The following HES7 variants were observed in gnomAD, a reference collection of about 807,000 sequenced individuals.
The protein encoded by HES7 is hes family bHLH transcription factor 7, also known as transcription factor HES-7.
HES7 carries 8 observed loss-of-function variants against 18.0 expected under a neutral mutation model. The ratio of observed to expected loss-of-function variants is 0.45; its 90% CI spans 0.26 to 0.80. The LOEUF (loss-of-function observed/expected upper bound fraction) is 0.80. Ranked by LOEUF, HES7 falls within the 30% of genes least tolerant of loss-of-function variation. The pLI is 0.18. For synonymous variants in HES7, 170 were observed against 158.6 expected, an observed-to-expected ratio of 1.07 and a Z score of -0.54; for missense variants, 356 against 340.9, an observed-to-expected ratio of 1.04 and a Z score of -0.35.
rs184104843 is a variant in HES7, at chr17:8,120,913, C to G, written c.*658G>C. The G allele has an allele frequency of 3.3e-5, 5 of 152,818 alleles. No individual in the cohort carries two copies. Among genetic ancestry groups the G allele is most frequent in the African/African-American group, 1.2e-4 (5 of 41,576 alleles). 9.5% of individuals were successfully genotyped at this position (152,818 alleles called of 1,614,324 possible). A position where few individuals can be genotyped will look rare whatever the true frequency, so the allele number is the denominator to read the frequency against. On this transcript the variant is annotated 3_prime_UTR_variant, in exon 4 of 4. Coordinates refer to ENST00000541682, the MANE Select transcript of HES7 (RefSeq NM_001165967.2). ...GTACCCGTAAGCTACAAGACGCCGC[C>G]GTTCGTCGGGTGGCTCTGTGGCGCA...
In HES7 at chr17:8,121,247, T is replaced by C. The variant is rs1417538373; in HGVS notation, c.*324A>G. The C allele has an allele frequency of 4.3e-6, 1 of 234,538 alleles. No homozygotes were observed. 14.5% of individuals were successfully genotyped at this position (234,538 alleles called of 1,614,324 possible). The stretch of plus-strand genomic sequence containing the variant: ...GGACGTCGAGATAAAGGCAGGCCCC[T>C]GGCTCGGGGACACACGGGGATTTAA... On this transcript the variant is annotated 3_prime_UTR_variant, in exon 4 of 4. Coordinates refer to ENST00000541682, the MANE Select transcript of HES7 (RefSeq NM_001165967.2).
upstream of HES7, among the ~76,000 whole-genome samples, chr17:8,124,262 G>A (rs1981511804): frequency 6.6e-6 from 1 of 152,182 alleles, no homozygotes. Context: ...AGGGGAAGGA[G>A]AGAAACTGGC....
rs779182972 is a variant in HES7 at position 8,121,855 on chromosome 17, G to C, written c.409C>G (p.Arg137Gly). 5.7e-6 allele frequency: 9 copies of C among 1,571,898 alleles called. No homozygotes were observed. The Admixed American group carries it at 1.0e-4, about 18-fold the overall frequency. The change falls in exon 4 of 4, where the codon CGG (arginine) becomes GGG (glycine). Residue 137 changes from arginine to glycine, a missense_variant. Arg to Gly is a moderately radical substitution (Grantham distance 125). Coordinates refer to ENST00000541682, the MANE Select transcript of HES7 (RefSeq NM_001165967.2). ...LHGYLRPKPP[R>G]PKPVDPRPPA... Reference sequence around the variant, plus strand: ...GGCCTCGGATCTACCGGCTTGGGCCGGGGCGGTTTGGGGCGCAGATAGCCG... The same window carrying C: ...GGCCTCGGATCTACCGGCTTGGGCCCGGGCGGTTTGGGGCGCAGATAGCCG...
In HES7 at chr17:8,122,076, G is replaced by C. The variant is rs1169420575; in HGVS notation, c.227-39C>G. 1 of 1,459,704 alleles carries C rather than the reference G, an allele frequency of 6.9e-7. No individual in the cohort carries two copies. The highest frequency in any genetic ancestry group is 9.0e-7 in the Non-Finnish European group (1 of 1,109,992). 90.4% of individuals were successfully genotyped at this position (1,459,704 alleles called of 1,614,324 possible). A position where few individuals can be genotyped will look rare whatever the true frequency, so the allele number is the denominator to read the frequency against. On this transcript the variant is annotated intron_variant, in intron 3 of 3. Transcript: ENST00000541682. The surrounding 1 kb of genome is among the most constrained non-coding windows in gnomAD (Gnocchi z 6.9). ...CGGGAGCACAGGTGGGCAGGGCAGG[G>C]GCCCGGCAGGGGTGAGGGAAGGGGC...
At position 8,122,601 on chromosome 17, in the gene HES7, G is replaced by T. The variant is rs1172039704; in HGVS notation, c.139-171C>A. Among the ~76,000 whole-genome samples the T allele has an allele frequency of 6.6e-6, 1 of 152,192 alleles. No homozygotes were observed. Among genetic ancestry groups the T allele is most frequent in the East Asian group, 1.9e-4 (1 of 5,184 alleles). ...TGCGGAGTGGAGATGACCAAGGAAAGTCCTGGCCCACCCTGAGACGAAACT... is the reference window on the plus strand; with the variant it reads ...TGCGGAGTGGAGATGACCAAGGAAATTCCTGGCCCACCCTGAGACGAAACT... On this transcript the variant is annotated intron_variant, in intron 2 of 3. Coordinates refer to ENST00000541682, the MANE Select transcript of HES7 (RefSeq NM_001165967.2). This position sits in a 1 kb window ranked among gnomAD's most constrained non-coding sequence, Gnocchi z 6.9.
At position 8,123,254 on chromosome 17, in the gene HES7, G is replaced by A; in HGVS notation, c.43-128C>T. On this transcript the variant is annotated intron_variant, in intron 1 of 3. Coordinates refer to ENST00000541682, the MANE Select transcript of HES7 (RefSeq NM_001165967.2). This position sits in a 1 kb window ranked among gnomAD's most constrained non-coding sequence, Gnocchi z 5.9. ...GCCACAAGACCCCAGATTGCCTAGGGCCGGCCCCATTCGATCCCTCTCCGC... is the reference window on the plus strand; with the variant it reads ...GCCACAAGACCCCAGATTGCCTAGGACCGGCCCCATTCGATCCCTCTCCGC... The A allele has an allele frequency of 4.1e-6, 3 of 722,978 alleles. No homozygotes were observed. Among genetic ancestry groups the A allele is most frequent in the Non-Finnish European group, 7.3e-6 (3 of 410,132 alleles). 44.8% of individuals were successfully genotyped at this position (722,978 alleles called of 1,614,324 possible).
chr17:8,120,787 C>G lies in HES7; in HGVS notation c.*784G>C, dbSNP rs1367389539. 1 of 152,752 alleles carries G rather than the reference C, an allele frequency of 6.5e-6. No homozygotes were observed. The highest frequency in any genetic ancestry group is 1.5e-5 in the Non-Finnish European group (1 of 68,140). The allele number at this position is 152,752 out of a possible 1,614,324, so 9.5% of individuals were successfully genotyped here. ...GGCTAACATGCTTTGCGCCCGCTAC[C>G]TCTACCTGGCTTGGCCTCTGAGATC... is the stretch of plus-strand genomic sequence containing the variant. On this transcript the variant is annotated 3_prime_UTR_variant, in exon 4 of 4. Transcript: ENST00000541682.
At chr17:8,126,052 C>T (rs1014218691), upstream of HES7, among the ~76,000 whole-genome samples, 2 of 151,612 alleles carry the variant, frequency 1.3e-5, no homozygotes, top group Non-Finnish European at 2.9e-5. Flanking sequence ...CGCACCTCCG[C>T]AGGCGTGACC....
Position 8,121,671 on chromosome 17 carries a change from A to C in HES7, c.593T>G (p.Leu198Arg). 1 of 1,326,014 alleles carries C rather than the reference A, an allele frequency of 7.5e-7. No individual in the cohort carries two copies. 82.1% of individuals were successfully genotyped at this position (1,326,014 alleles called of 1,614,324 possible). The change falls in exon 4 of 4, where the codon CTC becomes CGC. Residue 198 changes from leucine to arginine, a missense_variant. Coordinates refer to ENST00000541682, the MANE Select transcript of HES7 (RefSeq NM_001165967.2). ...RAGDSGAPAP[L>R]TGLLPPPPPP... ...CGGTGGCGGCGGCAGCAGTCCGGTGAGGGGCGCCGGCGCGCCAGAATCCCC... is the reference window on the plus strand; with the variant it reads ...CGGTGGCGGCGGCAGCAGTCCGGTGCGGGGCGCCGGCGCGCCAGAATCCCC...
At position 8,122,580 on chromosome 17, in the gene HES7, G is replaced by A. The variant is rs1158110885; in HGVS notation, c.139-150C>T. Reference sequence around the variant, plus strand: ...CCCACAGAACGCGCGACCAAATGCGGAGTGGAGATGACCAAGGAAAGTCCT... The same window carrying A: ...CCCACAGAACGCGCGACCAAATGCGAAGTGGAGATGACCAAGGAAAGTCCT... On this transcript the variant is annotated intron_variant, in intron 2 of 3. Coordinates refer to ENST00000541682, the MANE Select transcript of HES7 (RefSeq NM_001165967.2). The surrounding 1 kb of genome is among the most constrained non-coding windows in gnomAD (Gnocchi z 6.9). 4 of 663,462 alleles carry A rather than the reference G, an allele frequency of 6.0e-6. No homozygotes were observed. Among genetic ancestry groups the A allele is most frequent in the East Asian group, 2.7e-5 (1 of 36,764 alleles). The allele number at this position is 663,462 out of a possible 1,614,324, so 41.1% of individuals were successfully genotyped here.
chr17:8,121,704 G>A lies in HES7; in HGVS notation c.560C>T (p.Pro187Leu), dbSNP rs1308150151. The A allele has an allele frequency of 7.5e-7, 1 of 1,334,422 alleles. No homozygotes were observed. The highest frequency in any genetic ancestry group is 9.5e-7 in the Non-Finnish European group (1 of 1,049,292). 82.7% of individuals were successfully genotyped at this position (1,334,422 alleles called of 1,614,324 possible). Residue 187 changes from proline (P) to leucine (L), a missense_variant, in exon 4 of 4, where the codon CCG becomes CTG. By Grantham distance (98) the Pro-to-Leu change is moderately conservative. Transcript: ENST00000541682. ...RCAWSPSLCS[P>L]RAGDSGAPAP... is the part of the protein sequence containing the mutation. ...CGGCGCGCCAGAATCCCCGGCGCGC[G>A]GGGAGCAGAGGGATGGGGACCATGC...
Position 8,121,568 on chromosome 17 carries a change from G to A in HES7, c.*3C>T. The A allele has an allele frequency of 1.5e-6, 2 of 1,298,654 alleles. No homozygotes were observed. The highest frequency in any genetic ancestry group is 1.9e-6 in the Non-Finnish European group (2 of 1,029,760). 80.4% of individuals were successfully genotyped at this position (1,298,654 alleles called of 1,614,324 possible). A position where few individuals can be genotyped will look rare whatever the true frequency, so the allele number is the denominator to read the frequency against. ...AGACCCCGCCCCCACCACCCCCCAA[G>A]GCTCAGGGCCAAGGTCTCCAGAAAG... On this transcript the variant is annotated 3_prime_UTR_variant, in exon 4 of 4. Coordinates refer to ENST00000541682, the MANE Select transcript of HES7 (RefSeq NM_001165967.2).
rs1282491713 is a variant in HES7 at position 8,121,475 on chromosome 17, C to T, written c.*96G>A. The T allele has an allele frequency of 2.6e-6, 3 of 1,141,448 alleles. No individual in the cohort carries two copies. Among genetic ancestry groups the T allele is most frequent in the Non-Finnish European group, 3.3e-6 (3 of 896,526 alleles). 70.7% of individuals were successfully genotyped at this position (1,141,448 alleles called of 1,614,324 possible). On this transcript the variant is annotated 3_prime_UTR_variant, in exon 4 of 4. Transcript: ENST00000541682. ...AGCCCGCGCGCCCCACTGCCCTCCC[C>T]AACACCTGCTCGCCCGGACGCCCGG...
In HES7 at chr17:8,124,029, C is replaced by T. The variant is rs761332203; in HGVS notation, c.42+14G>A. ...AAACCAGGGACCTCTGCTCCCTCCC[C>T]TCCCGCCTCTCACCTTGGGGCCGTC... is the stretch of plus-strand genomic sequence containing the variant. On this transcript the variant is annotated intron_variant, in intron 1 of 3. Coordinates refer to ENST00000541682, the MANE Select transcript of HES7 (RefSeq NM_001165967.2). 1.2e-6 allele frequency: 2 copies of T among 1,613,952 alleles called. No homozygotes were observed. Among genetic ancestry groups the T allele is most frequent in the Admixed American group, 1.7e-5 (1 of 60,026 alleles).
chr17:8,122,400 C>A lies in HES7; in HGVS notation c.169G>T (p.Glu57Ter). The change falls in exon 3 of 4, where the codon GAG (glutamate) becomes TAG (stop). Residue 57 changes from glutamate to a stop codon, truncating the protein, a stop_gained. Transcript: ENST00000541682. LOFTEE classifies it high-confidence loss of function. This position sits in a 1 kb window ranked among gnomAD's most constrained non-coding sequence, Gnocchi z 6.9. ...TAGCCCACGGCGAACTCCAATATCT[C>A]CGCTTTCTCCAGCTTCGGGTTCCGG... Reference protein sequence around the residue: ...NLRNPKLEKAEILEFAVGYLR... With the variant: ...NLRNPKLEKA 1 of 1,594,940 alleles carries A rather than the reference C, an allele frequency of 6.3e-7. No individual in the cohort carries two copies. Among genetic ancestry groups the A allele is most frequent in the Non-Finnish European group, 8.5e-7 (1 of 1,171,018 alleles).
At position 8,123,109 on chromosome 17, in the gene HES7, C is replaced by T. The variant is rs1981445219; in HGVS notation, c.60G>A (p.Val20=). 1 of 1,607,454 alleles carries T rather than the reference C, an allele frequency of 6.2e-7. No individual in the cohort carries two copies. The highest frequency in any genetic ancestry group is 8.5e-7 in the Non-Finnish European group (1 of 1,177,314). ...RDGPKMLKPL[V]EKRRRDRINR... The stretch of plus-strand genomic sequence containing the variant: ...TGATGCGGTCCCGGCGCCGCTTCTC[C>T]ACAAGCGGCTTGAGCATCTGCGACC... Residue 20 remains valine, a synonymous_variant, in exon 2 of 4, where the codon GTG becomes GTA. Coordinates refer to ENST00000541682, the MANE Select transcript of HES7 (RefSeq NM_001165967.2). The surrounding 1 kb of genome is among the most constrained non-coding windows in gnomAD (Gnocchi z 5.9).
In HES7 at chr17:8,121,564, C is replaced by G; in HGVS notation, c.*7G>C. 3 of 1,300,372 alleles carry G rather than the reference C, an allele frequency of 2.3e-6. No homozygotes were observed. The highest frequency in any genetic ancestry group is 1.9e-6 in the Non-Finnish European group (2 of 1,030,836). The allele number at this position is 1,300,372 out of a possible 1,614,324, so 80.6% of individuals were successfully genotyped here. A position where few individuals can be genotyped will look rare whatever the true frequency, so the allele number is the denominator to read the frequency against. On this transcript the variant is annotated 3_prime_UTR_variant, in exon 4 of 4. Transcript: ENST00000541682. The stretch of plus-strand genomic sequence containing the variant: ...CCCTAGACCCCGCCCCCACCACCCC[C>G]CAAGGCTCAGGGCCAAGGTCTCCAG...
upstream of HES7, among the ~76,000 whole-genome samples, chr17:8,125,074 G>A (rs969213593): frequency 2.0e-5 from 3 of 152,060 alleles, no homozygotes; most frequent in Non-Finnish European, 4.4e-5. Flanking sequence ...TACAAAAAAG[G>A]GATCAACACC....
In HES7 at chr17:8,121,487, G is replaced by T; in HGVS notation, c.*84C>A. Reference sequence around the variant, plus strand: ...CCACTGCCCTCCCCAACACCTGCTCGCCCGGACGCCCGGGTCCCTCTGCTG... The same window carrying T: ...CCACTGCCCTCCCCAACACCTGCTCTCCCGGACGCCCGGGTCCCTCTGCTG... On this transcript the variant is annotated 3_prime_UTR_variant, in exon 4 of 4. Coordinates refer to ENST00000541682, the MANE Select transcript of HES7 (RefSeq NM_001165967.2). 1 of 1,198,534 alleles carries T rather than the reference G, an allele frequency of 8.3e-7. No individual in the cohort carries two copies. The highest frequency in any genetic ancestry group is 1.1e-6 in the Non-Finnish European group (1 of 949,088). The allele number at this position is 1,198,534 out of a possible 1,614,324, so 74.2% of individuals were successfully genotyped here.
Sources: gnomAD v4.1 joint callset for allele counts (sites outside exome capture counted in the v4.1 genomes callset) on GRCh38, gnomAD v4.1.1 for gene constraint, Gnocchi (gnomAD v3.1) non-coding constraint, MANE v1.5 for transcripts, NCBI Gene and HGNC (gene_info 2026-07-23, HGNC 2026-07-21) for gene names.